Variants in GABRB2 observed in about 807,000 individuals in gnomAD.
The protein encoded by GABRB2 is gamma-aminobutyric acid type A receptor subunit beta2, also known as gamma-aminobutyric acid receptor subunit beta-2.
GABRB2 carries 16 observed loss-of-function variants against 54.7 expected under a neutral mutation model. The observed-to-expected ratio is 0.29, with a 90% CI of 0.20 to 0.44. GABRB2 has a LOEUF of 0.44. Among genes scored for constraint, GABRB2 ranks in the 20% least tolerant of loss-of-function variants. The pLI, the probability that GABRB2 is intolerant of heterozygous loss-of-function variation, is 1.00. For synonymous variants in GABRB2, 244 were observed against 233.8 expected, an observed-to-expected ratio of 1.04 and a Z score of -0.40; for missense variants, 355 against 644.0, an observed-to-expected ratio of 0.55 and a Z score of 4.86.
At chr5:161,397,858 T>C (rs1221977881) in intron 5 of GABRB2, among the ~76,000 whole-genome samples, 1 of 152,186 alleles carries the variant, frequency 6.6e-6, no homozygotes, top group Non-Finnish European at 1.5e-5. Flanking sequence ...TGGGACTGAA[T>C]CCTGACTTCA....
chr5:161,545,096 A>G (rs1002216711), intron 3 of GABRB2, 131 bp downstream of exon 3: 2 of 573,748 alleles, frequency 3.5e-6, no homozygotes, highest in Non-Finnish European at 6.1e-6. Flanking sequence ...TTCTAGGGTG[A>G]AATTCCATGC....
chr5:161,329,032 A>G (rs139140667), intron 8 of GABRB2, among the ~76,000 whole-genome samples: 8 of 152,210 alleles, frequency 5.3e-5, no homozygotes, highest in Non-Finnish European at 1.2e-4. Flanking sequence ...ACTTTTCTCT[A>G]TTTCCGTTTT....
At chr5:161,422,631 T>C (rs1756881941) in intron 4 of GABRB2, among the ~76,000 whole-genome samples, 1 of 152,212 alleles carries the variant, frequency 6.6e-6, no homozygotes, top group African/African-American at 2.4e-5. Context: ...TCACTGTTTC[T>C]ATGGTGAATA....
At chr5:161,479,125 G>C (rs1271330549) in intron 3 of GABRB2, among the ~76,000 whole-genome samples, 1 of 151,984 alleles carries the variant, frequency 6.6e-6, no homozygotes, top group Non-Finnish European at 1.5e-5. Flanking sequence ...ATACCTGATG[G>C]ACCAAGATGA....
chr5:161,310,842 A>C (rs1052930220), intron 9 of GABRB2, among the ~76,000 whole-genome samples: 1 of 149,610 alleles, frequency 6.7e-6, no homozygotes, highest in Admixed American at 6.7e-5. Flanking sequence ...GGCTCACTGC[A>C]AGCTCCACCT....
chr5:161,531,524 G>T (rs144707218), intron 3 of GABRB2, among the ~76,000 whole-genome samples: 2 of 151,796 alleles, frequency 1.3e-5, no homozygotes, highest in Non-Finnish European at 2.9e-5. Context: ...TTTTTTCTAT[G>T]TTAATGCTTT....
intron 3 of GABRB2, among the ~76,000 whole-genome samples, chr5:161,473,587 T>G (rs1259242022): frequency 1.3e-5 from 2 of 152,024 alleles, no homozygotes; most frequent in Non-Finnish European, 2.9e-5. Context: ...TTGATCTCAC[T>G]TAAAAATTAA....
chr5:161,473,174 G>T (rs1758496714), intron 3 of GABRB2, among the ~76,000 whole-genome samples: 1 of 151,972 alleles, frequency 6.6e-6, no homozygotes, highest in Non-Finnish European at 1.5e-5. Context: ...AATGCTTAGA[G>T]GATTTTCCAA....
At position 161,447,059 on chromosome 5, in the gene GABRB2, C is replaced by A. The variant is rs769356004; in HGVS notation, c.458+12565G>T. 3.3e-5 allele frequency among the ~76,000 whole-genome samples: 5 copies of A among 152,084 alleles called. No homozygotes were observed. The East Asian group carries it at 9.6e-4, about 29-fold the overall frequency. ...CCAGCAGTGAGGCTAATAATAGCAA[C>A]CAATCTTTACAAACAACTTATGTGC... On this transcript the variant is annotated intron_variant, in intron 4 of 9. Coordinates refer to ENST00000393959, the MANE Select transcript of GABRB2 (RefSeq NM_001371727.1).
At chr5:161,490,934 C>A (rs1581029922) in intron 3 of GABRB2, among the ~76,000 whole-genome samples, 1 of 151,808 alleles carries the variant, frequency 6.6e-6, no homozygotes, top group African/African-American at 2.4e-5. Context: ...TTTGCTTCCT[C>A]ACTCTAGTAT....
intron 3 of GABRB2, among the ~76,000 whole-genome samples, chr5:161,533,946 A>G (rs1581064811): frequency 6.6e-6 from 1 of 152,222 alleles, no homozygotes; most frequent in South Asian, 2.1e-4. Flanking sequence ...TAGGCAAGTG[A>G]AAACACAATG....
chr5:161,476,248 G>A (rs993814996), intron 3 of GABRB2, among the ~76,000 whole-genome samples: 2 of 151,860 alleles, frequency 1.3e-5, no homozygotes, highest in African/African-American at 2.4e-5. Context: ...AACAAAAGAT[G>A]TGTACTCTGC....
intron 8 of GABRB2, chr5:161,327,038 T>C: frequency 1.3e-6 from 1 of 773,394 alleles, no homozygotes; most frequent in Non-Finnish European, 1.5e-6. Context: ...CAAATTCCAT[T>C]AGGACACACA....
upstream of GABRB2, chr5:161,547,240 A>C (rs1055052200): frequency 3.6e-5 from 1 of 27,604 alleles, no homozygotes; most frequent in Non-Finnish European, 6.5e-5. Context: ...AGGAGGGGGG[A>C]GGGGGCGTTG....
chr5:161,449,011 G>A (rs1216398260), intron 4 of GABRB2, among the ~76,000 whole-genome samples: 1 of 152,178 alleles, frequency 6.6e-6, no homozygotes, highest in Non-Finnish European at 1.5e-5. Context: ...AATCTCTTTA[G>A]AGGGGAGATG....
chr5:161,332,562 T>C (rs1753883590), intron 7 of GABRB2, among the ~76,000 whole-genome samples: 1 of 152,156 alleles, frequency 6.6e-6, no homozygotes, highest in South Asian at 2.1e-4. Flanking sequence ...TCCAAGGTCC[T>C]GAATATGATA....
intron 3 of GABRB2, among the ~76,000 whole-genome samples, chr5:161,513,330 G>A (rs1434823744): frequency 6.6e-6 from 1 of 151,996 alleles, no homozygotes. Flanking sequence ...ACATGCACTA[G>A]TATGTTCATT....
At chr5:161,302,508 A>C (rs1757567750) in intron 9 of GABRB2, among the ~76,000 whole-genome samples, 1 of 152,290 alleles carries the variant, frequency 6.6e-6, no homozygotes, top group African/African-American at 2.4e-5. Context: ...ACCTAACAAC[A>C]TCACAGGCTT....
intron 3 of GABRB2, among the ~76,000 whole-genome samples, chr5:161,527,472 A>G (rs1760317866): frequency 6.6e-6 from 1 of 151,530 alleles, no homozygotes; most frequent in Admixed American, 6.6e-5. Context: ...AAAATCATAA[A>G]GTAAGAAATA....
Sources: allele counts gnomAD v4.1 joint callset (sites outside exome capture counted in the v4.1 genomes callset), GRCh38; gene constraint gnomAD v4.1.1; transcripts MANE v1.5; gene names NCBI Gene and HGNC (gene_info 2026-07-23, HGNC 2026-07-21).